DPP10: variants seen among roughly 807,000 people sequenced by gnomAD.
The protein encoded by DPP10 is dipeptidyl peptidase like 10.
Under a neutral mutation model 120.9 loss-of-function variants are expected in DPP10, and 33 were observed. The ratio of observed to expected loss-of-function variants is 0.27; its 90% CI spans 0.21 to 0.37. DPP10 has a LOEUF of 0.37. DPP10 is among the 10% of genes least tolerant of loss of function. The pLI, the probability that DPP10 is intolerant of heterozygous loss-of-function variation, is 1.00. For missense variants in DPP10, 816 were observed against 942.8 expected (o/e 0.87, Z 1.76); for synonymous variants, 337 against 326.1 (o/e 1.03, Z -0.36).
chr2:115,200,786 T>C (rs1228089327), intron 1 of DPP10, among the ~76,000 whole-genome samples: 1 of 152,190 alleles, frequency 6.6e-6, no homozygotes. Context: ...CTTGTCTACT[T>C]GAGTCATTCC....
At chr2:114,774,360 C>G (rs1681541947) in intron 1 of DPP10, among the ~76,000 whole-genome samples, 1 of 151,150 alleles carries the variant, frequency 6.6e-6, no homozygotes, top group South Asian at 2.1e-4. Context: ...TTTTTGTTAC[C>G]ACGTTTGTTA....
chr2:115,410,181 A>G (rs1258671722), intron 3 of DPP10, among the ~76,000 whole-genome samples: 1 of 152,238 alleles, frequency 6.6e-6, no homozygotes, highest in East Asian at 1.9e-4. Flanking sequence ...ACGTGCATGC[A>G]TATGTTCATT....
chr2:114,664,499 C>T (rs1304895678), intron 1 of DPP10, among the ~76,000 whole-genome samples: 4 of 151,610 alleles, frequency 2.6e-5, no homozygotes, highest in African/African-American at 9.7e-5. Context: ...TGTGGTGGTG[C>T]GCACCTGTTA....
intron 7 of DPP10, among the ~76,000 whole-genome samples, chr2:115,699,948 T>C (rs989212380): frequency 9.2e-5 from 14 of 152,288 alleles, no homozygotes; most frequent in African/African-American, 3.4e-4. Flanking sequence ...ATGGGTAATT[T>C]ATAAAGAAAA....
chr2:115,352,083 T>TA (rs2064071079), intron 3 of DPP10, among the ~76,000 whole-genome samples: 1 of 152,080 alleles, frequency 6.6e-6, no homozygotes, highest in African/African-American at 2.4e-5. Context: ...AATTCAGTGT[T>TA]AACATTTAGG....
chr2:115,248,468 A>C (rs1246943971), intron 1 of DPP10, among the ~76,000 whole-genome samples: 1 of 151,926 alleles, frequency 6.6e-6, no homozygotes, highest in Non-Finnish European at 1.5e-5. Flanking sequence ...TTTGTGAGTC[A>C]ATCCTGCTTG....
intron 1 of DPP10, among the ~76,000 whole-genome samples, chr2:114,754,674 C>A (rs2106065001): frequency 6.6e-6 from 1 of 152,314 alleles, no homozygotes; most frequent in African/African-American, 2.4e-5. Flanking sequence ...ATGATTCTAG[C>A]ATGCGGCCTA....
intron 19 of DPP10, among the ~76,000 whole-genome samples, chr2:115,798,986 G>C (rs779352181): frequency 1.3e-5 from 2 of 152,120 alleles, no homozygotes; most frequent in African/African-American, 2.4e-5. Context: ...GTTGTCACCT[G>C]TCCCTCAGTA....
At chr2:115,249,309 A>G (rs1201576135) in intron 1 of DPP10, among the ~76,000 whole-genome samples, 1 of 152,140 alleles carries the variant, frequency 6.6e-6, no homozygotes, top group African/African-American at 2.4e-5. Flanking sequence ...GATTAGGAAA[A>G]GCCTTGTAAA....
intron 1 of DPP10, among the ~76,000 whole-genome samples, chr2:115,041,349 G>A (rs747932053): frequency 3.3e-5 from 5 of 152,136 alleles, no homozygotes; most frequent in African/African-American, 4.8e-5. Flanking sequence ...ACATTGATAC[G>A]ATTTCTGGTA....
intron 1 of DPP10, among the ~76,000 whole-genome samples, chr2:114,567,094 G>A (rs1417435705): frequency 2.0e-5 from 3 of 152,032 alleles, no homozygotes; most frequent in Non-Finnish European, 4.4e-5. Context: ...CCAACAGCTG[G>A]CTCCAGACAG....
intron 1 of DPP10, among the ~76,000 whole-genome samples, chr2:114,735,297 C>T (rs1677312708): frequency 6.6e-6 from 1 of 152,088 alleles, no homozygotes; most frequent in Admixed American, 6.6e-5. Context: ...AGAACACCAC[C>T]CAGTCTGATA....
intron 1 of DPP10, among the ~76,000 whole-genome samples, chr2:114,499,341 T>C (rs757894786): frequency 3.9e-5 from 6 of 152,300 alleles, no homozygotes; most frequent in South Asian, 2.1e-4. Flanking sequence ...AATGTGTAGA[T>C]GCATTTTTCT....
chr2:114,979,704 T>G lies in DPP10; in HGVS notation c.61-329535T>G, dbSNP rs537772831. Among the ~76,000 whole-genome samples, 8 of 152,206 alleles carry G rather than the reference T, an allele frequency of 5.3e-5. No homozygotes were observed. The East Asian group carries it at 1.3e-3, about 26-fold the overall frequency. On this transcript the variant is annotated intron_variant, in intron 1 of 25. Coordinates refer to ENST00000410059, the MANE Select transcript of DPP10 (RefSeq NM_020868.6). ...TCATTTTACATTTTTGTAGCATTCA[T>G]GGATGAACTACTTTGAAGATTAAAT...
chr2:115,719,362 T>G (rs768479015), intron 7 of DPP10, among the ~76,000 whole-genome samples: 5 of 152,184 alleles, frequency 3.3e-5, no homozygotes, highest in Admixed American at 1.3e-4. Context: ...TATGAATAAT[T>G]GCAAATGTCA....
chr2:114,842,074 A>G (rs373430022), intron 1 of DPP10, among the ~76,000 whole-genome samples: 1 of 152,144 alleles, frequency 6.6e-6, no homozygotes, highest in Non-Finnish European at 1.5e-5. Context: ...TCTGGACCAT[A>G]GTCAAAAGCT....
intron 1 of DPP10, among the ~76,000 whole-genome samples, chr2:114,747,675 A>G (rs1196743993): frequency 2.0e-5 from 3 of 152,142 alleles, no homozygotes; most frequent in African/African-American, 7.2e-5. Flanking sequence ...CATTCTTCAC[A>G]GTTTGTTCTT....
chr2:115,126,349 G>A (rs10184481), intron 1 of DPP10, among the ~76,000 whole-genome samples: 2 of 151,804 alleles, frequency 1.3e-5, no homozygotes, highest in Admixed American at 6.6e-5. Context: ...CAATCCACCC[G>A]CCTCAGCCTC....
intron 20 of DPP10, 88 bp downstream of exon 20, chr2:115,815,075 G>A: frequency 1.5e-6 from 2 of 1,292,856 alleles, no homozygotes. Context: ...CTGACTCAAG[G>A]CTTCTATTTT....
Sources: allele counts gnomAD v4.1 joint callset (sites outside exome capture counted in the v4.1 genomes callset), GRCh38; gene constraint gnomAD v4.1.1; transcripts MANE v1.5; gene names NCBI Gene and HGNC (gene_info 2026-07-23, HGNC 2026-07-21).